Variants in ARHGEF7 observed in about 807,000 individuals in gnomAD.
ARHGEF7 encodes the protein PAK-interacting exchange factor beta.
In ARHGEF7, 33 loss-of-function variants were observed where a neutral mutation model predicts 109.8. That is an observed-to-expected ratio of 0.30 (90% confidence interval 0.23 to 0.40). ARHGEF7 has a LOEUF of 0.40. ARHGEF7 is among the 10% of genes least tolerant of loss of function. ARHGEF7 has a pLI of 1.00. For synonymous variants in ARHGEF7, 458 were observed against 424.6 expected (o/e 1.08, Z -0.97); for missense variants, 938 against 1,098.5 (o/e 0.85, Z 2.07).
chr13:111,236,002 A>G (rs1369182969), intron 6 of ARHGEF7, among the ~76,000 whole-genome samples: 1 of 152,230 alleles, frequency 6.6e-6, no homozygotes, highest in African/African-American at 2.4e-5. Flanking sequence ...ACATTTTGAA[A>G]TTAAGAGACA....
At chr13:111,135,770 A>G (rs2075054900) in intron 1 of ARHGEF7, among the ~76,000 whole-genome samples, 2 of 152,130 alleles carry the variant, frequency 1.3e-5, no homozygotes, top group South Asian at 2.1e-4. Flanking sequence ...CTCTTTTCCT[A>G]ATTGAATACC....
intron 5 of ARHGEF7, among the ~76,000 whole-genome samples, chr13:111,225,655 A>G (rs2085108501): frequency 6.6e-6 from 1 of 151,890 alleles, no homozygotes; most frequent in Non-Finnish European, 1.5e-5. Context: ...TGTATCCGTT[A>G]TGGTGATCTG....
At chr13:111,237,270 A>G (rs1198015671) in intron 6 of ARHGEF7, among the ~76,000 whole-genome samples, 1 of 152,200 alleles carries the variant, frequency 6.6e-6, no homozygotes, top group Non-Finnish European at 1.5e-5. Context: ...ATGAAGATTA[A>G]TAGACAAATG....
Position 111,142,156 on chromosome 13 carries a change from TA to T in ARHGEF7, c.166-11744del, listed in dbSNP as rs1356090204. On this transcript the variant is annotated intron_variant, in intron 1 of 21. Coordinates refer to ENST00000646102, the MANE Select transcript of ARHGEF7 (RefSeq NM_001354046.2). ...TTTTTTTCAGATCTTTTGCCCATTT[TA>T]AAAACTAAGTTGTTTTATTAATGAG... Among the ~76,000 whole-genome samples the T allele has an allele frequency of 9.8e-5, 15 of 152,354 alleles. No homozygotes were observed. In the East Asian group the frequency reaches 1.7e-3, roughly 18 times the overall value.
chr13:111,241,229 C>T, intron 6 of ARHGEF7: 1 of 1,536,208 alleles, frequency 6.5e-7, no homozygotes, highest in South Asian at 1.2e-5. Flanking sequence ...CCTGCGTCCT[C>T]TGGGTTCCCA....
chr13:111,181,110 A>T (rs2078689760), intron 2 of ARHGEF7, among the ~76,000 whole-genome samples: 1 of 152,228 alleles, frequency 6.6e-6, no homozygotes, highest in Admixed American at 6.5e-5. Flanking sequence ...CTTAGTGGTG[A>T]ATTTATTCAA....
chr13:111,189,239 G>T (rs919654376), intron 2 of ARHGEF7, among the ~76,000 whole-genome samples: 8 of 152,208 alleles, frequency 5.3e-5, no homozygotes, highest in Non-Finnish European at 7.3e-5. Context: ...CCTTCTGGTG[G>T]GTTCTTGGTC....
At chr13:111,216,336 G>C (rs1264891710) in intron 4 of ARHGEF7, among the ~76,000 whole-genome samples, 2 of 152,174 alleles carry the variant, frequency 1.3e-5, no homozygotes, top group Non-Finnish European at 2.9e-5. Flanking sequence ...AAGAAGTGTG[G>C]GTGGTCTCAG....
intron 8 of ARHGEF7, among the ~76,000 whole-genome samples, chr13:111,248,541 G>A (rs1023797317): frequency 1.3e-5 from 2 of 152,094 alleles, no homozygotes; most frequent in African/African-American, 4.8e-5. Flanking sequence ...GGATTTGCTC[G>A]TTGCTTTCTG....
rs975256536 is a variant in ARHGEF7, at chr13:111,266,458, C to T, written c.951-1090C>T. On this transcript the variant is annotated intron_variant, in intron 8 of 21. Coordinates refer to ENST00000646102, the MANE Select transcript of ARHGEF7 (RefSeq NM_001354046.2). The surrounding 1 kb of genome is among the most constrained non-coding windows in gnomAD (Gnocchi z 4.8). ...TGATGATTTCTTTGATTGACTTCTG[C>T]TTATATTTTTGGTTTTCTGTATCAT... 2.0e-5 allele frequency among the ~76,000 whole-genome samples: 3 copies of T among 152,092 alleles called. No homozygotes were observed. The highest frequency in any genetic ancestry group is 2.9e-5 in the Non-Finnish European group (2 of 68,022).
rs770877247 is a variant in ARHGEF7 at position 111,286,288 on chromosome 13, G to A, written c.2044+48G>A. On this transcript the variant is annotated intron_variant, in intron 17 of 21. Transcript: ENST00000646102. ...GTGGAGGACGTGGCCTCCTGGTCACGTAGGCCATGGCTTTCCTGGGATAGA... is the reference window on the plus strand; with the variant it reads ...GTGGAGGACGTGGCCTCCTGGTCACATAGGCCATGGCTTTCCTGGGATAGA... 8.5e-5 allele frequency: 125 copies of A among 1,468,472 alleles called. 1 individual carries two copies. The highest frequency in any genetic ancestry group is 1.2e-4 in the Non-Finnish European group (121 of 1,051,158). 91.0% of individuals were successfully genotyped at this position (1,468,472 alleles called of 1,614,324 possible).
At chr13:111,201,588 C>T (rs1057314776) in intron 2 of ARHGEF7, among the ~76,000 whole-genome samples, 1 of 152,188 alleles carries the variant, frequency 6.6e-6, no homozygotes. Context: ...ATGGAGTTAT[C>T]TGTAGGTCTG....
chr13:111,289,745 T>C (rs941207572), intron 18 of ARHGEF7, among the ~76,000 whole-genome samples: 1 of 151,102 alleles, frequency 6.6e-6, no homozygotes, highest in African/African-American at 2.4e-5. Context: ...GCTGTGAAGA[T>C]AGGATGAGCA....
intron 16 of ARHGEF7, among the ~76,000 whole-genome samples, chr13:111,284,606 G>A (rs1252366965): frequency 6.6e-6 from 1 of 152,218 alleles, no homozygotes; most frequent in Non-Finnish European, 1.5e-5. Flanking sequence ...CAACGGAAGG[G>A]GTATTGAAGT....
intron 2 of ARHGEF7, among the ~76,000 whole-genome samples, chr13:111,201,878 C>T (rs915263816): frequency 1.3e-5 from 2 of 152,172 alleles, no homozygotes; most frequent in African/African-American, 4.8e-5. Context: ...CCCTCCCCGC[C>T]ACTTTTAAGA....
At chr13:111,270,091 T>A (rs2092016070) in intron 9 of ARHGEF7, among the ~76,000 whole-genome samples, 1 of 152,266 alleles carries the variant, frequency 6.6e-6, no homozygotes, top group Admixed American at 6.5e-5. Context: ...GAGCGCAGAA[T>A]GCCAACTCTG....
At chr13:111,122,199 G>A (rs2067243545) in intron 1 of ARHGEF7, among the ~76,000 whole-genome samples, 1 of 152,208 alleles carries the variant, frequency 6.6e-6, no homozygotes, top group South Asian at 2.1e-4. Flanking sequence ...GGGCGCAGCT[G>A]CTGAGTGCAC....
At chr13:111,200,405 G>C (rs1267929621) in intron 2 of ARHGEF7, among the ~76,000 whole-genome samples, 1 of 150,592 alleles carries the variant, frequency 6.6e-6, no homozygotes, top group East Asian at 1.9e-4. Context: ...CTCGTTTTCT[G>C]TTCAGCCAGC....
intron 2 of ARHGEF7, among the ~76,000 whole-genome samples, chr13:111,203,419 A>G (rs1181838829): frequency 2.0e-5 from 3 of 152,252 alleles, no homozygotes; most frequent in Non-Finnish European, 4.4e-5. Context: ...ATTACAACAA[A>G]TGTATTCTGT....
Sources: allele counts gnomAD v4.1 joint callset (sites outside exome capture counted in the v4.1 genomes callset), GRCh38; gene constraint gnomAD v4.1.1; non-coding constraint Gnocchi (gnomAD v3.1); transcripts MANE v1.5; gene names NCBI Gene and HGNC (gene_info 2026-07-23, HGNC 2026-07-21).